Variants in GFRAL observed in about 807,000 individuals in gnomAD.
The protein encoded by GFRAL is GDNF family receptor alpha-like.
GFRAL carries 36 observed loss-of-function variants against 45.4 expected under a neutral mutation model. The observed-to-expected ratio is 0.79, with a 90% CI of 0.61 to 1.05. The LOEUF (loss-of-function observed/expected upper bound fraction) is 1.05. GFRAL is among the 50% of genes least tolerant of loss of function. The probability of loss-of-function intolerance (pLI) is 0.00; values close to 1 mark genes in which losing one functional copy is unlikely to be tolerated. For synonymous variants in GFRAL, 166 were observed against 154.1 expected (o/e 1.08, Z -0.57); for missense variants, 507 against 467.5 (o/e 1.08, Z -0.78).
rs115571480 is a variant in GFRAL, at chr6:55,375,716, C to A, written c.952+16578C>A. ...GTCACTTTGCACATTAATCTTATATCCTGAGACTTTGCTGAAGTTGCTTAT... is the reference window on the plus strand; with the variant it reads ...GTCACTTTGCACATTAATCTTATATACTGAGACTTTGCTGAAGTTGCTTAT... On this transcript the variant is annotated intron_variant, in intron 6 of 8. Coordinates refer to ENST00000340465, the MANE Select transcript of GFRAL (RefSeq NM_207410.2). Among the ~76,000 whole-genome samples, 765 of 152,112 alleles carry A rather than the reference C, an allele frequency of 5.0e-3. 10 individuals are homozygous for A. Among genetic ancestry groups the A allele is most frequent in the African/African-American group, 0.018 (732 of 41,490 alleles).
At chr6:55,358,557 T>A (rs1768227015) in intron 5 of GFRAL, among the ~76,000 whole-genome samples, 1 of 152,050 alleles carries the variant, frequency 6.6e-6, no homozygotes, top group African/African-American at 2.4e-5. Flanking sequence ...ATATTTGGAA[T>A]AAAAAATTGC....
At chr6:55,351,159 A>G in intron 4 of GFRAL, 94 bp from the exon 5 acceptor site, 1 of 854,438 alleles carries the variant, frequency 1.2e-6, no homozygotes, top group Admixed American at 2.4e-5. Flanking sequence ...ACATCATTGT[A>G]TTTTGCTCAT....
chr6:55,348,500 C>T (rs1031207107), intron 3 of GFRAL, among the ~76,000 whole-genome samples: 3 of 151,940 alleles, frequency 2.0e-5, no homozygotes, highest in African/African-American at 4.8e-5. Flanking sequence ...TGTATTTTTC[C>T]CCAGTTCCGG....
chr6:55,377,287 T>C (rs190377546), intron 6 of GFRAL, among the ~76,000 whole-genome samples: 1 of 152,160 alleles, frequency 6.6e-6, no homozygotes. Context: ...GGTGTCAATT[T>C]TTATATAGGC....
Position 55,369,263 on chromosome 6 carries a change from C to A in GFRAL, c.952+10125C>A, listed in dbSNP as rs113706996. On this transcript the variant is annotated intron_variant, in intron 6 of 8. Coordinates refer to ENST00000340465, the MANE Select transcript of GFRAL (RefSeq NM_207410.2). ...AGAAAGGGAACTCCCTGACCCCTTG[C>A]GCTTCCCAAGTGAGGCAATGCCTCG... Among the ~76,000 whole-genome samples, 6 of 152,314 alleles carry A rather than the reference C, an allele frequency of 3.9e-5. No homozygotes were observed. The East Asian group carries it at 1.2e-3, about 29-fold the overall frequency.
Position 55,333,796 on chromosome 6 carries a change from C to T in GFRAL, c.168C>T (p.Asp56=). 6.3e-7 allele frequency: 1 copy of T among 1,592,404 alleles called. No homozygotes were observed. Among genetic ancestry groups the T allele is most frequent in the Non-Finnish European group, 8.5e-7 (1 of 1,170,146 alleles). ...GTGTTTGATTGTGAGATCCAGGTGACCCCTGCAAGATGAGGAATTCATCAT... is the reference window on the plus strand; with the variant it reads ...GTGTTTGATTGTGAGATCCAGGTGATCCCTGCAAGATGAGGAATTCATCAT... ...EDACNDSDPG[D]PCKMRNSSYC... is the part of the protein sequence containing the mutation. Residue 56 remains aspartate (D), a synonymous_variant, in exon 3 of 9, where the codon GAC becomes GAT. Coordinates refer to ENST00000340465, the MANE Select transcript of GFRAL (RefSeq NM_207410.2).
chr6:55,344,152 A>C (rs575402963), intron 3 of GFRAL, among the ~76,000 whole-genome samples: 1 of 152,294 alleles, frequency 6.6e-6, no homozygotes, highest in African/African-American at 2.4e-5. Flanking sequence ...TATTCCAATC[A>C]ATAGAAAAAG....
At chr6:55,327,679 A>C in intron 1 of GFRAL, 103 bp downstream of exon 1, 2 of 1,048,356 alleles carry the variant, frequency 1.9e-6, no homozygotes, top group Non-Finnish European at 2.9e-6. Flanking sequence ...TATAATATGA[A>C]GTACCAAGTA....
rs531901554 is a variant in GFRAL at position 55,347,926 on chromosome 6, C to T, written c.317-2166C>T. On this transcript the variant is annotated intron_variant, in intron 3 of 8. Coordinates refer to ENST00000340465, the MANE Select transcript of GFRAL (RefSeq NM_207410.2). ...CATTTTATAGAAACATGTTTGTCTACTAGTTTATTGTAAGCATATTTCTTA... is the reference window on the plus strand; with the variant it reads ...CATTTTATAGAAACATGTTTGTCTATTAGTTTATTGTAAGCATATTTCTTA... Among the ~76,000 whole-genome samples the T allele has an allele frequency of 1.7e-4, 26 of 152,084 alleles. No individual in the cohort carries two copies. In the South Asian group the frequency reaches 5.4e-3, roughly 32 times the overall value.
intron 6 of GFRAL, among the ~76,000 whole-genome samples, chr6:55,395,836 T>TG (rs1293275746): frequency 6.6e-6 from 1 of 151,950 alleles, no homozygotes; most frequent in Admixed American, 6.6e-5. Context: ...ATAGCTCATT[T>TG]GGGGAGAATA....
intron 2 of GFRAL, 64 bp downstream of exon 2, chr6:55,331,913 A>G: frequency 1.4e-6 from 2 of 1,448,274 alleles, no homozygotes; most frequent in Non-Finnish European, 1.9e-6. Context: ...ACAGGATTTG[A>G]TATTTTGTCA....
chr6:55,358,841 A>C (rs978362174), intron 5 of GFRAL, 47 bp from the exon 6 acceptor site: 2 of 1,572,084 alleles, frequency 1.3e-6, no homozygotes, highest in African/African-American at 2.7e-5. Context: ...TGTTAATGTG[A>C]AATAACACTA....
At chr6:55,332,301 T>C (rs1767840702) in intron 2 of GFRAL, among the ~76,000 whole-genome samples, 1 of 152,112 alleles carries the variant, frequency 6.6e-6, no homozygotes, top group Non-Finnish European at 1.5e-5. Context: ...CAATTCTATG[T>C]CAAGAACAAG....
intron 3 of GFRAL, among the ~76,000 whole-genome samples, chr6:55,337,088 A>G (rs2127350905): frequency 6.6e-6 from 1 of 152,170 alleles, no homozygotes; most frequent in East Asian, 1.9e-4. Flanking sequence ...CTGTACTATC[A>G]AGTACTAGAA....
At chr6:55,371,870 C>G (rs871022) in intron 6 of GFRAL, among the ~76,000 whole-genome samples, 1 of 152,142 alleles carries the variant, frequency 6.6e-6, no homozygotes, top group South Asian at 2.1e-4. Flanking sequence ...ATAAACCCAA[C>G]TTATTCATTA....
rs191782847 is a variant in GFRAL, at chr6:55,379,688, C to G, written c.953-19492C>G. 4.7e-4 allele frequency among the ~76,000 whole-genome samples: 72 copies of G among 151,978 alleles called. No homozygotes were observed. The East Asian group carries it at 8.6e-3, about 18-fold the overall frequency. ...GGTGAGAACACTTTGCATTCACTCTCTCAGCATTTTTCAAGAATGTAATAT... is the reference window on the plus strand; with the variant it reads ...GGTGAGAACACTTTGCATTCACTCTGTCAGCATTTTTCAAGAATGTAATAT... On this transcript the variant is annotated intron_variant, in intron 6 of 8. Transcript: ENST00000340465.
intron 3 of GFRAL, among the ~76,000 whole-genome samples, chr6:55,346,859 AAAGT>A (rs1335113586): frequency 7.1e-6 from 1 of 140,002 alleles, no homozygotes; most frequent in Non-Finnish European, 1.6e-5. Flanking sequence ...AAGAAAAAAC[AAAGT>A]AAGTGATGAA....
chr6:55,373,783 A>G (rs1178925714), intron 6 of GFRAL, among the ~76,000 whole-genome samples: 1 of 151,544 alleles, frequency 6.6e-6, no homozygotes, highest in Non-Finnish European at 1.5e-5. Context: ...CATGTGCAGG[A>G]TATACGGTTT....
intron 2 of GFRAL, among the ~76,000 whole-genome samples, chr6:55,333,311 A>C (rs7775056): frequency 0.49 from 73,812 of 151,916 alleles, 19,326 homozygotes; most frequent in Non-Finnish European, 0.61. Context: ...GACTTATTCA[A>C]TAATATTTAT....
Sources: gnomAD v4.1 joint callset for allele counts (sites outside exome capture counted in the v4.1 genomes callset) on GRCh38, gnomAD v4.1.1 for gene constraint, MANE v1.5 for transcripts, NCBI Gene and HGNC (gene_info 2026-07-23, HGNC 2026-07-21) for gene names.